The following ATG7 variants were observed in gnomAD, a reference collection of about 807,000 sequenced individuals.
ATG7 encodes the protein autophagy related 7.
ATG7 carries 70 observed loss-of-function variants against 82.4 expected under a neutral mutation model. The ratio of observed to expected loss-of-function variants is 0.85; its 90% CI spans 0.70 to 1.04. The LOEUF (loss-of-function observed/expected upper bound fraction) is 1.04. Among genes scored for constraint, ATG7 ranks in the 50% least tolerant of loss-of-function variants. The probability of loss-of-function intolerance (pLI) is 0.00; values close to 1 mark genes in which losing one functional copy is unlikely to be tolerated. For missense variants in ATG7, 792 were observed against 864.3 expected, an observed-to-expected ratio of 0.92 and a Z score of 1.05; for synonymous variants, 287 against 313.0, an observed-to-expected ratio of 0.92 and a Z score of 0.88.
At chr3:11,323,950 GTTC>G (rs1375962594) in intron 9 of ATG7, among the ~76,000 whole-genome samples, 8 of 152,188 alleles carry the variant, frequency 5.3e-5, no homozygotes, top group Admixed American at 3.9e-4. Context: ...TGTGGAAAAT[GTTC>G]TTGCTGAAGA....
At chr3:11,533,006 G>A (rs947680440) in intron 20 of ATG7, among the ~76,000 whole-genome samples, 1 of 152,204 alleles carries the variant, frequency 6.6e-6, no homozygotes, top group Non-Finnish European at 1.5e-5. Flanking sequence ...GTCACAGACA[G>A]GGTGGCGAGG....
At chr3:11,515,989 G>A (rs2092266904) in intron 20 of ATG7, among the ~76,000 whole-genome samples, 2 of 151,618 alleles carry the variant, frequency 1.3e-5, no homozygotes, top group Non-Finnish European at 1.5e-5. Context: ...GTAGAGGCAT[G>A]GGGGAAGGAC....
the ATG7 span, among the ~76,000 whole-genome samples, chr3:11,563,545 G>A: frequency 8.5e-5 from 13 of 152,210 alleles, no homozygotes; most frequent in Non-Finnish European, 1.3e-4. Flanking sequence ...CCACACACAC[G>A]TCTCTGGCTG....
At chr3:11,425,743 C>T (rs1287934246) in intron 19 of ATG7, among the ~76,000 whole-genome samples, 2 of 152,032 alleles carry the variant, frequency 1.3e-5, no homozygotes, top group Non-Finnish European at 2.9e-5. Flanking sequence ...AAGAAGTACA[C>T]CTTATGTAAC....
chr3:11,475,341 A>G (rs1198774012), intron 20 of ATG7, among the ~76,000 whole-genome samples: 3 of 152,142 alleles, frequency 2.0e-5, no homozygotes, highest in Admixed American at 1.3e-4. Context: ...CTTCTTATAA[A>G]GGAGGAATCT....
intron 19 of ATG7, among the ~76,000 whole-genome samples, chr3:11,381,169 A>G (rs1332418785): frequency 1.3e-5 from 2 of 152,228 alleles, no homozygotes. Context: ...GTAGTTACCC[A>G]TGAGCCCATT....
chr3:11,347,292 A>G (rs1006796708), intron 13 of ATG7, among the ~76,000 whole-genome samples: 2 of 152,266 alleles, frequency 1.3e-5, no homozygotes, highest in African/African-American at 4.8e-5. Context: ...TATAGGAGAC[A>G]TAATTGAAGT....
chr3:11,511,619 C>G (rs528682605), intron 20 of ATG7, among the ~76,000 whole-genome samples: 1 of 152,178 alleles, frequency 6.6e-6, no homozygotes, highest in Admixed American at 6.5e-5. Flanking sequence ...CTTGGGCGGT[C>G]GATGGGACTG....
chr3:11,543,351 C>T (rs1241201512), intron 20 of ATG7, among the ~76,000 whole-genome samples: 1 of 152,192 alleles, frequency 6.6e-6, no homozygotes, highest in African/African-American at 2.4e-5. Context: ...GGGAGAACTC[C>T]TCCCTCAGAA....
At chr3:11,407,362 C>G (rs2080443818) in intron 19 of ATG7, among the ~76,000 whole-genome samples, 2 of 152,200 alleles carry the variant, frequency 1.3e-5, no homozygotes, top group Admixed American at 1.3e-4. Context: ...CAGGGTGCAG[C>G]CTCCCTCCTG....
intron 20 of ATG7, among the ~76,000 whole-genome samples, chr3:11,514,351 A>G (rs2092196477): frequency 6.6e-6 from 1 of 152,186 alleles, no homozygotes. Flanking sequence ...GGCGTTTGCA[A>G]TTCATTTTCT....
intron 8 of ATG7, 105 bp downstream of exon 8, chr3:11,313,525 G>C: frequency 1.3e-6 from 1 of 747,090 alleles, no homozygotes; most frequent in Non-Finnish European, 2.1e-6. Context: ...ATGAAGACGT[G>C]GTAACTGAAA....
At chr3:11,365,084 A>G (rs1161770004) in intron 18 of ATG7, among the ~76,000 whole-genome samples, 1 of 152,212 alleles carries the variant, frequency 6.6e-6, no homozygotes, top group Non-Finnish European at 1.5e-5. Context: ...TGGCCAAGTC[A>G]CTAAACTTCT....
At chr3:11,429,474 C>T (rs914159233) in intron 20 of ATG7, among the ~76,000 whole-genome samples, 3 of 151,688 alleles carry the variant, frequency 2.0e-5, no homozygotes, top group Admixed American at 6.6e-5. Flanking sequence ...CCAGCCTGGG[C>T]GACAGAGCGA....
chr3:11,510,788 A>G (rs1002976312), intron 20 of ATG7, among the ~76,000 whole-genome samples: 6 of 152,186 alleles, frequency 3.9e-5, no homozygotes, highest in Non-Finnish European at 7.4e-5. Context: ...TAGAATCGAT[A>G]GCTTAAAAGA....
chr3:11,470,677 T>C (rs976708732), intron 20 of ATG7, among the ~76,000 whole-genome samples: 1 of 151,950 alleles, frequency 6.6e-6, no homozygotes, highest in Non-Finnish European at 1.5e-5. Context: ...AGTGAACAGG[T>C]CTAAGAAAAT....
At chr3:11,548,506 C>T (rs886545706) in intron 20 of ATG7, among the ~76,000 whole-genome samples, 4 of 152,334 alleles carry the variant, frequency 2.6e-5, no homozygotes, top group Non-Finnish European at 4.4e-5. Flanking sequence ...AGAGCAGTCT[C>T]GCCTTCATCC....
the ATG7 span, among the ~76,000 whole-genome samples, chr3:11,573,794 G>C: frequency 6.6e-6 from 1 of 152,184 alleles, no homozygotes; most frequent in African/African-American, 2.4e-5. Context: ...CCCCTGAAAA[G>C]ACATTGAAGT....
intron 14 of ATG7, among the ~76,000 whole-genome samples, chr3:11,355,268 A>G (rs1355643077): frequency 2.6e-5 from 4 of 152,192 alleles, no homozygotes; most frequent in Non-Finnish European, 5.9e-5. Context: ...CTGAGCCCTT[A>G]TGTGATACCC....
Sources: allele counts gnomAD v4.1 joint callset (sites outside exome capture counted in the v4.1 genomes callset), GRCh38; gene constraint gnomAD v4.1.1; transcripts MANE v1.5; gene names NCBI Gene and HGNC (gene_info 2026-07-23, HGNC 2026-07-21).